NBEA: variants seen among roughly 807,000 people sequenced by gnomAD.
NBEA encodes the protein lysosomal-trafficking regulator 2.
Under a neutral mutation model 343.4 loss-of-function variants are expected in NBEA, and 44 were observed. That is an observed-to-expected ratio of 0.13 (90% CI 0.10 to 0.16). The LOEUF (loss-of-function observed/expected upper bound fraction) is 0.16. NBEA is among the 10% of genes least tolerant of loss of function. The pLI is 1.00. For missense variants in NBEA, 2,555 were observed against 3,631.3 expected, an observed-to-expected ratio of 0.70 and a Z score of 7.62; for synonymous variants, 1,175 against 1,238.7, an observed-to-expected ratio of 0.95 and a Z score of 1.08.
At chr13:35,003,038 G>A (rs755036081) in intron 1 of NBEA, among the ~76,000 whole-genome samples, 30 of 152,138 alleles carry the variant, frequency 2.0e-4, no homozygotes, top group Non-Finnish European at 4.0e-4. Context: ...TCCAGCCACA[G>A]TACAATGAAC....
chr13:35,125,947 G>A (rs1427148280), intron 17 of NBEA, among the ~76,000 whole-genome samples: 1 of 152,064 alleles, frequency 6.6e-6, no homozygotes, highest in Non-Finnish European at 1.5e-5. Flanking sequence ...TTGAGCCCAG[G>A]AGTTTGAGTC....
At chr13:34,992,261 TA>T (rs1460936044) in intron 1 of NBEA, among the ~76,000 whole-genome samples, 4,486 of 130,386 alleles carry the variant, frequency 0.034, 220 homozygotes, top group African/African-American at 0.12. Flanking sequence ...TATATATATA[TA>T]TTTTTTTTTT....
At position 35,580,183 on chromosome 13, in the gene NBEA, G is replaced by A. The variant is rs1253633604; in HGVS notation, c.7036-3715G>A. On this transcript the variant is annotated intron_variant, in intron 45 of 58. Coordinates refer to ENST00000379939, the MANE Select transcript of NBEA (RefSeq NM_001385012.1). ...TTCCTATTTGTTAAAGTGTTCACCT[G>A]TAACATAAAAGCTAAAAAAGACAAA... Among the ~76,000 whole-genome samples the A allele has an allele frequency of 2.6e-5, 4 of 152,032 alleles. No individual in the cohort carries two copies. The East Asian group carries it at 7.7e-4, about 29-fold the overall frequency.
intron 46 of NBEA, among the ~76,000 whole-genome samples, chr13:35,584,873 A>T (rs1160528036): frequency 6.6e-6 from 1 of 151,660 alleles, no homozygotes. Flanking sequence ...TCCTGGGCTC[A>T]GGTGATCCTC....
chr13:35,424,338 T>A (rs574420131), intron 38 of NBEA, among the ~76,000 whole-genome samples: 100 of 152,320 alleles, frequency 6.6e-4, no homozygotes, highest in African/African-American at 2.4e-3. Context: ...ATACCTAATT[T>A]ATTGAGAGTT....
intron 40 of NBEA, among the ~76,000 whole-genome samples, chr13:35,454,785 G>A (rs371936371): frequency 3.3e-5 from 5 of 152,134 alleles, no homozygotes; most frequent in South Asian, 4.2e-4. Context: ...GCATGAACCC[G>A]GGAGGCAGAG....
intron 1 of NBEA, among the ~76,000 whole-genome samples, chr13:34,981,110 C>A (rs1445830721): frequency 6.6e-6 from 1 of 152,154 alleles, no homozygotes; most frequent in Non-Finnish European, 1.5e-5. Context: ...AAGGCAACTA[C>A]CGATTTACCC....
At chr13:35,332,635 T>C (rs1045830446) in intron 36 of NBEA, among the ~76,000 whole-genome samples, 3 of 152,118 alleles carry the variant, frequency 2.0e-5, no homozygotes, top group African/African-American at 7.2e-5. Context: ...AATTTAACTT[T>C]GGATAACACC....
chr13:35,208,825 C>T lies in NBEA; in HGVS notation c.5492C>T (p.Ala1831Val), dbSNP rs2073573648. The T allele has an allele frequency of 1.2e-6, 2 of 1,604,820 alleles. No homozygotes were observed. Among genetic ancestry groups the T allele is most frequent in the Non-Finnish European group, 1.7e-6 (2 of 1,174,696 alleles). ...TCTAATATATTTGCTGCTACTGGAG[C>T]TACACCAAAAAGTATGATTAATACA... Reference protein sequence around the residue: ...STSNIFAATGATPKSMINTTG... With the variant: ...STSNIFAATGVTPKSMINTTG... Residue 1831 changes from alanine to valine, a missense_variant, in exon 32 of 59, where the codon GCT becomes GTT. By Grantham distance (64) the Ala-to-Val change is moderately conservative. Coordinates refer to ENST00000379939, the MANE Select transcript of NBEA (RefSeq NM_001385012.1).
intron 1 of NBEA, among the ~76,000 whole-genome samples, chr13:35,018,513 TTTTTAG>T (rs1211952534): frequency 1.3e-5 from 2 of 152,160 alleles, no homozygotes; most frequent in Non-Finnish European, 2.9e-5. Flanking sequence ...AATGATATTC[TTTTTAG>T]TTTTAATTTA....
Position 34,975,868 on chromosome 13 carries a change from A to G in NBEA, c.294+32754A>G, listed in dbSNP as rs138519102. ...TCAGGGAAATGCAAATCAAACCACA[A>G]TGTGATACCACCTCACTCCTGCAAG... On this transcript the variant is annotated intron_variant, in intron 1 of 58. Coordinates refer to ENST00000379939, the MANE Select transcript of NBEA (RefSeq NM_001385012.1). Among the ~76,000 whole-genome samples, 63 of 152,302 alleles carry G rather than the reference A, an allele frequency of 4.1e-4. No homozygotes were observed. The East Asian group carries it at 0.012, about 28-fold the overall frequency.
At chr13:35,581,855 C>T (rs1177729690) in intron 45 of NBEA, among the ~76,000 whole-genome samples, 1 of 126,920 alleles carries the variant, frequency 7.9e-6, no homozygotes, top group Non-Finnish European at 1.6e-5. Context: ...GCACAATGTG[C>T]ACATGTACCC....
At chr13:35,560,678 G>A (rs181892895) in intron 44 of NBEA, among the ~76,000 whole-genome samples, 1 of 152,158 alleles carries the variant, frequency 6.6e-6, no homozygotes, top group Non-Finnish European at 1.5e-5. Flanking sequence ...TGGGGTAACC[G>A]TTCAAAGTTG....
At chr13:35,260,619 G>A (rs1409542317) in intron 34 of NBEA, among the ~76,000 whole-genome samples, 2 of 152,208 alleles carry the variant, frequency 1.3e-5, no homozygotes, top group African/African-American at 4.8e-5. Context: ...TGTGGAAGAG[G>A]AAGCATCACA....
At position 35,349,222 on chromosome 13, in the gene NBEA, GT is replaced by G; in HGVS notation, c.6012+10del. On this transcript the variant is annotated splice_region_variant and intron_variant, in intron 37 of 58. Coordinates refer to ENST00000379939, the MANE Select transcript of NBEA (RefSeq NM_001385012.1). ...ATAAACATGCAGAGTTTGAGGTAAG[GT>G]TTTGGGAGTAGACTAAATTCTGCCT... 6.5e-7 allele frequency: 1 copy of G among 1,534,644 alleles called. No individual in the cohort carries two copies. Among genetic ancestry groups the G allele is most frequent in the African/African-American group, 1.4e-5 (1 of 72,914 alleles).
chr13:35,389,434 G>T (rs1222169092), intron 38 of NBEA, among the ~76,000 whole-genome samples: 1 of 151,794 alleles, frequency 6.6e-6, no homozygotes, highest in Non-Finnish European at 1.5e-5. Context: ...TTAAATTCTA[G>T]AAATTTGTAT....
At chr13:35,633,943 A>G (rs1186177053) in intron 49 of NBEA, among the ~76,000 whole-genome samples, 1 of 152,196 alleles carries the variant, frequency 6.6e-6, no homozygotes, top group African/African-American at 2.4e-5. Flanking sequence ...TGTCTCCAAA[A>G]TTTTATAAAG....
intron 53 of NBEA, among the ~76,000 whole-genome samples, chr13:35,653,935 C>T (rs879326648): frequency 1.3e-5 from 2 of 152,152 alleles, no homozygotes; most frequent in Non-Finnish European, 2.9e-5. Context: ...CTTGTCCTTA[C>T]TGACTTTTGT....
At chr13:35,027,801 T>A (rs1461053645) in intron 1 of NBEA, among the ~76,000 whole-genome samples, 1 of 151,968 alleles carries the variant, frequency 6.6e-6, no homozygotes, top group Non-Finnish European at 1.5e-5. Flanking sequence ...TCTAAAAGTT[T>A]TATATTTTAC....
Sources: allele counts gnomAD v4.1 joint callset (sites outside exome capture counted in the v4.1 genomes callset), GRCh38; gene constraint gnomAD v4.1.1; transcripts MANE v1.5; gene names NCBI Gene and HGNC (gene_info 2026-07-23, HGNC 2026-07-21).